PKLR: variants seen among roughly 807,000 people sequenced by gnomAD.
The protein encoded by PKLR is pyruvate kinase L/R.
Under a neutral mutation model 53.6 loss-of-function variants are expected in PKLR, and 38 were observed. The observed-to-expected ratio is 0.71, with a 90% CI of 0.55 to 0.93. The LOEUF is 0.93. PKLR is among the 40% of genes least tolerant of loss of function. PKLR has a pLI of 0.00. For missense variants in PKLR, 702 were observed against 787.3 expected (o/e 0.89, Z 1.30); for synonymous variants, 328 against 316.2 (o/e 1.04, Z -0.39).
In PKLR at chr1:155,295,544, C is replaced by G; in HGVS notation, c.400G>C (p.Val134Leu). The stretch of plus-strand genomic sequence containing the variant: ...GCAAAGCTCTCCACCGCCTCCCGGA[C>G]GTTGGCGATGGACTCAGCATGGTAC... ...HEYHAESIAN[V>L]REAVESFAGS... Residue 134 changes from valine to leucine, a missense_variant, in exon 4 of 11, where the codon GTC becomes CTC. By Grantham distance (32) the Val-to-Leu change is conservative. Around this residue, in one of 2 missense-constraint regions of PKLR, gnomAD observed 519 missense variants for 537.1 expected, o/e 0.97. Transcript: ENST00000342741. This position sits in a 1 kb window ranked among gnomAD's most constrained non-coding sequence, Gnocchi z 4.3. The G allele has an allele frequency of 1.2e-6, 2 of 1,613,900 alleles. No individual in the cohort carries two copies. Among genetic ancestry groups the G allele is most frequent in the Non-Finnish European group, 8.5e-7 (1 of 1,179,922 alleles).
At chr1:155,296,769 G>A (rs1647625455) in intron 2 of PKLR, among the ~76,000 whole-genome samples, 1 of 151,904 alleles carries the variant, frequency 6.6e-6, no homozygotes, top group Non-Finnish European at 1.5e-5. Context: ...GCTCTCACTT[G>A]CAGCAAAACT....
chr1:155,306,511 A>C, the PKLR span, among the ~76,000 whole-genome samples: 2 of 152,210 alleles, frequency 1.3e-5, no homozygotes, highest in Admixed American at 6.5e-5. The surrounding 1 kb of genome is among the most constrained non-coding windows in gnomAD (Gnocchi z 4.2). Context: ...TGCTCAGCAC[A>C]CAGAGGGACA....
intron 2 of PKLR, among the ~76,000 whole-genome samples, chr1:155,299,002 CTTT>C (rs1557963122): frequency 1.6e-3 from 159 of 100,884 alleles, no homozygotes; most frequent in Non-Finnish European, 2.1e-3. Context: ...TTCTTTCTTT[CTTT>C]CTTTCTTTCT....
At chr1:155,298,335 T>G (rs1177224356) in intron 2 of PKLR, among the ~76,000 whole-genome samples, 2 of 147,332 alleles carry the variant, frequency 1.4e-5, no homozygotes, top group African/African-American at 5.0e-5. Context: ...CGCCTGGCCT[T>G]TTTTTTTTTT....
At position 155,295,590 on chromosome 1, in the gene PKLR, G is replaced by A. The variant is rs148340437; in HGVS notation, c.376-22C>T. ...GGTACTGGGGGAGGGAGCGGAGCGA[G>A]GGTTTCAGGGGAAGGTGGCCAGGAC... is the stretch of plus-strand genomic sequence containing the variant. On this transcript the variant is annotated intron_variant, in intron 3 of 10. Transcript: ENST00000342741. The surrounding 1 kb of genome is among the most constrained non-coding windows in gnomAD (Gnocchi z 4.3). The A allele has an allele frequency of 7.6e-5, 123 of 1,614,126 alleles. No homozygotes were observed. The East Asian group carries it at 2.4e-3, about 32-fold the overall frequency.
chr1:155,294,122 G>A, intron 7 of PKLR, 113 bp downstream of exon 7: 1 of 1,220,594 alleles, frequency 8.2e-7, no homozygotes, highest in Non-Finnish European at 1.2e-6. Flanking sequence ...GACAGAGTGA[G>A]ACTCCGTCTC....
At position 155,291,941 on chromosome 1, in the gene PKLR, G is replaced by T. The variant is rs1190371354; in HGVS notation, c.1437-4C>A. ...CCGAGACAGAAGCTGGGCTGAGCTGGAGGAGGCAGAGAAGGTCAGCCCAGA... is the reference window on the plus strand; with the variant it reads ...CCGAGACAGAAGCTGGGCTGAGCTGTAGGAGGCAGAGAAGGTCAGCCCAGA... On this transcript the variant is annotated splice_polypyrimidine_tract_variant and splice_region_variant and intron_variant, in intron 9 of 10. Coordinates refer to ENST00000342741, the MANE Select transcript of PKLR (RefSeq NM_000298.6). The T allele has an allele frequency of 1.4e-5, 22 of 1,612,606 alleles. No individual in the cohort carries two copies. The highest frequency in any genetic ancestry group is 1.6e-5 in the Non-Finnish European group (19 of 1,179,858).
rs1647373675 is a variant in PKLR, at chr1:155,293,843, A to G, written c.1117-253T>C. On this transcript the variant is annotated intron_variant, in intron 7 of 10. Coordinates refer to ENST00000342741, the MANE Select transcript of PKLR (RefSeq NM_000298.6). The surrounding 1 kb of genome is among the most constrained non-coding windows in gnomAD (Gnocchi z 4.2). ...TTTCATCCAAATGTGCTATAAACCT[A>G]CAGTGTGGGCTGGGTGCAGTGGCTC... 6.6e-6 allele frequency among the ~76,000 whole-genome samples: 1 copy of G among 152,110 alleles called. No homozygotes were observed. Among genetic ancestry groups the G allele is most frequent in the Non-Finnish European group, 1.5e-5 (1 of 67,984 alleles).
chr1:155,293,317 C>T lies in PKLR; in HGVS notation c.1296G>A (p.Val432=). 1 of 1,614,228 alleles carries T rather than the reference C, an allele frequency of 6.2e-7. No individual in the cohort carries two copies. Among genetic ancestry groups the T allele is most frequent in the Non-Finnish European group, 8.5e-7 (1 of 1,180,044 alleles). ...HAIAREAEAA[V]YHRQLFEELR... Reference sequence around the variant, plus strand: ...GCTCCTCAAACAGCTGCCGGTGGTACACTGCGGCCTCTGCCTCCCGGGCAA... The same window carrying T: ...GCTCCTCAAACAGCTGCCGGTGGTATACTGCGGCCTCTGCCTCCCGGGCAA... The change falls in exon 9 of 11, where the codon GTG becomes GTA. Residue 432 remains valine (V), a synonymous_variant. Coordinates refer to ENST00000342741, the MANE Select transcript of PKLR (RefSeq NM_000298.6). This position sits in a 1 kb window ranked among gnomAD's most constrained non-coding sequence, Gnocchi z 4.2.
rs35869567 is a variant in PKLR, at chr1:155,299,491, C to CTTTTTTTTTTT, written c.283+596_283+606dup. On this transcript the variant is annotated intron_variant, in intron 2 of 10. Transcript: ENST00000342741. ...GGCATGAGCCACTGAGCCCAGCCCACTTTTTTTTTTTTTTTTTTTTTTTTT... is the reference window on the plus strand; with the variant it reads ...GGCATGAGCCACTGAGCCCAGCCCACTTTTTTTTTTTTTTTTTTTTTTTTTTTTTTTTTTTT... 4.0e-4 allele frequency among the ~76,000 whole-genome samples: 17 copies of CTTTTTTTTTTT among 42,760 alleles called. 1 individual carries two copies. Among genetic ancestry groups the CTTTTTTTTTTT allele is most frequent in the African/African-American group, 1.7e-3 (17 of 9,876 alleles). The allele number at this position is 42,760 out of a possible 152,430, so 28.1% of individuals were successfully genotyped here. A position where few individuals can be genotyped will look rare whatever the true frequency, so the allele number is the denominator to read the frequency against.
At chr1:155,308,619 G>T in the PKLR span, 15 of 985,338 alleles carry the variant, frequency 1.5e-5, no homozygotes, top group Middle Eastern at 1.0e-3. Context: ...AGCCACAGCG[G>T]GGACGTTCCC....
chr1:155,293,903 C>T lies in PKLR; in HGVS notation c.1117-313G>A, dbSNP rs537394980. Reference sequence around the variant, plus strand: ...ATCCCAGCACTTTGGGAGGCCGAGGCGAGTAGATCACCTGAGGTCAGGAGT... The same window carrying T: ...ATCCCAGCACTTTGGGAGGCCGAGGTGAGTAGATCACCTGAGGTCAGGAGT... On this transcript the variant is annotated intron_variant, in intron 7 of 10. Transcript: ENST00000342741. The surrounding 1 kb of genome is among the most constrained non-coding windows in gnomAD (Gnocchi z 4.2). Among the ~76,000 whole-genome samples, 31 of 152,176 alleles carry T rather than the reference C, an allele frequency of 2.0e-4. No homozygotes were observed. Among genetic ancestry groups the T allele is most frequent in the Non-Finnish European group, 3.8e-4 (26 of 67,992 alleles).
chr1:155,295,656 G>A lies in PKLR; in HGVS notation c.375+9C>T, dbSNP rs1336329674. 3.1e-6 allele frequency: 5 copies of A among 1,613,900 alleles called. No homozygotes were observed. The highest frequency in any genetic ancestry group is 4.5e-5 in the East Asian group (2 of 44,882). On this transcript the variant is annotated intron_variant, in intron 3 of 10. Coordinates refer to ENST00000342741, the MANE Select transcript of PKLR (RefSeq NM_000298.6). The surrounding 1 kb of genome is among the most constrained non-coding windows in gnomAD (Gnocchi z 4.3). ...TGCCCCACCCACTGCCCGGCGGCCC[G>A]TCCCGCACCTCGTGGGAGCCGTGGG...
At position 155,301,325 on chromosome 1, in the gene PKLR, G is replaced by A. The variant is rs1394682499; in HGVS notation, c.71C>T (p.Ala24Val). The A allele has an allele frequency of 6.2e-7, 1 of 1,613,826 alleles. No homozygotes were observed. The highest frequency in any genetic ancestry group is 8.5e-7 in the Non-Finnish European group (1 of 1,179,886). The part of the protein sequence containing the change: ...SWVSKSQRDL[A>V]KSILIGAPGG... ...TGGAGCCCCAATCAGGATGGACTTT[G>A]CTAAGTCTCTTTGGGACTTAGAGAC... Residue 24 changes from alanine (A) to valine (V), a missense_variant, in exon 1 of 11, where the codon GCA becomes GTA. Ala to Val is a moderately conservative substitution (Grantham distance 64). This residue lies in a region of PKLR where 519 missense variants were observed against 537.1 expected (regional missense o/e 0.97). Coordinates refer to ENST00000342741, the MANE Select transcript of PKLR (RefSeq NM_000298.6).
At chr1:155,297,754 A>C (rs1035473774) in intron 2 of PKLR, among the ~76,000 whole-genome samples, 2 of 151,870 alleles carry the variant, frequency 1.3e-5, no homozygotes, top group Non-Finnish European at 1.5e-5. Context: ...TCCTGTCCGT[A>C]CACAGTCTCT....
chr1:155,299,796 A>G (rs1275559953), intron 2 of PKLR, among the ~76,000 whole-genome samples: 2 of 152,060 alleles, frequency 1.3e-5, no homozygotes, highest in Non-Finnish European at 2.9e-5. Flanking sequence ...ATGAGCCACC[A>G]TGCCCGGCCT....
At chr1:155,300,873 A>G (rs1426272292) in intron 1 of PKLR, 1 of 1,611,318 alleles carries the variant, frequency 6.2e-7, no homozygotes, top group African/African-American at 1.3e-5. Context: ...CCCCGATTCC[A>G]GCCGCACCTT....
rs200622612 is a variant in PKLR at position 155,294,394 on chromosome 1, T to A, written c.966-9A>T. 1.2e-6 allele frequency: 2 copies of A among 1,613,806 alleles called. No individual in the cohort carries two copies. ...CCAGGATTTCATCAAACCTGAGAGG[T>A]TGGGAGAATCAAGGCAGAGGCAGGC... On this transcript the variant is annotated splice_polypyrimidine_tract_variant and intron_variant, in intron 6 of 10. Coordinates refer to ENST00000342741, the MANE Select transcript of PKLR (RefSeq NM_000298.6).
intron 2 of PKLR, among the ~76,000 whole-genome samples, chr1:155,299,031 T>TTTCTTTC (rs1557963436): frequency 1.6e-5 from 1 of 62,798 alleles, no homozygotes; most frequent in African/African-American, 1.2e-4. Context: ...TCTTTCTTTC[T>TTTCTTTC]TTCTCTTTCT....
Sources: allele counts gnomAD v4.1 joint callset (sites outside exome capture counted in the v4.1 genomes callset), GRCh38; gene constraint gnomAD v4.1.1; regional missense constraint gnomAD v4.1.1; non-coding constraint Gnocchi (gnomAD v3.1); transcripts MANE v1.5; gene names NCBI Gene and HGNC (gene_info 2026-07-23, HGNC 2026-07-21).